Variants in RP1 observed in about 807,000 individuals in gnomAD.
RP1 encodes the protein oxygen-regulated protein 1.
RP1 carries 16 observed loss-of-function variants against 14.8 expected under a neutral mutation model. That is an observed-to-expected ratio of 1.08 (90% CI 0.73 to 1.65). The LOEUF (loss-of-function observed/expected upper bound fraction) is 1.65. RP1 is among the 40% of genes most tolerant of loss of function. The pLI is 0.00. For missense variants in RP1, 2,631 were observed against 2,535.0 expected, an observed-to-expected ratio of 1.04 and a Z score of -0.81; for synonymous variants, 876 against 883.6, an observed-to-expected ratio of 0.99 and a Z score of 0.15.
At chr8:54,786,147 T>C (rs1365300970) in intron 24 of RP1, among the ~76,000 whole-genome samples, 2 of 152,122 alleles carry the variant, frequency 1.3e-5, no homozygotes, top group African/African-American at 4.8e-5. Flanking sequence ...CAAATCGGAC[T>C]GAAGAGTTCC....
intron 15 of RP1, among the ~76,000 whole-genome samples, chr8:54,709,457 C>A (rs17319102): frequency 0.3 from 45,520 of 152,036 alleles, 8,332 homozygotes; most frequent in Middle Eastern, 0.48. Flanking sequence ...CTGAGGCAGG[C>A]AATCATGCAC....
At chr8:54,744,249 A>C (rs1809169154) in intron 19 of RP1, among the ~76,000 whole-genome samples, 1 of 152,172 alleles carries the variant, frequency 6.6e-6, no homozygotes, top group Admixed American at 6.5e-5. Context: ...ACAAGATTGC[A>C]TGTGGAGGAA....
At chr8:54,578,233 G>A (rs921767578) in intron 1 of RP1, among the ~76,000 whole-genome samples, 7 of 152,184 alleles carry the variant, frequency 4.6e-5, no homozygotes, top group African/African-American at 9.6e-5. Context: ...TAGGGACAGC[G>A]TCTCATTCTG....
chr8:54,771,615 T>A (rs1008134653), downstream of RP1, among the ~76,000 whole-genome samples: 2 of 152,078 alleles, frequency 1.3e-5, no homozygotes, highest in African/African-American at 4.8e-5. Flanking sequence ...GTATATTTTT[T>A]ATAGTTCAAA....
intron 28 of RP1, among the ~76,000 whole-genome samples, chr8:54,866,133 A>T (rs1162653137): frequency 6.6e-6 from 1 of 152,126 alleles, no homozygotes; most frequent in Non-Finnish European, 1.5e-5. Context: ...TTCTGAAAAA[A>T]GTATGGTGAA....
At chr8:54,561,230 A>T (rs1469153638) in intron 1 of RP1, among the ~76,000 whole-genome samples, 1 of 152,208 alleles carries the variant, frequency 6.6e-6, no homozygotes, top group Non-Finnish European at 1.5e-5. Flanking sequence ...TCTTTACTTC[A>T]TTTGGTAAAT....
chr8:54,761,661 A>T (rs1563368856), intron 22 of RP1, among the ~76,000 whole-genome samples: 1 of 152,196 alleles, frequency 6.6e-6, no homozygotes, highest in Non-Finnish European at 1.5e-5. Context: ...TAGTTTCAAA[A>T]TATATTGAAC....
At chr8:54,750,942 C>T (rs1437772844) in intron 19 of RP1, among the ~76,000 whole-genome samples, 4 of 152,182 alleles carry the variant, frequency 2.6e-5, no homozygotes, top group African/African-American at 4.8e-5. Context: ...AAGCTGGCCA[C>T]GCCAGCCAGC....
At chr8:54,850,451 T>C (rs1308766202) in intron 25 of RP1, among the ~76,000 whole-genome samples, 1 of 152,234 alleles carries the variant, frequency 6.6e-6, no homozygotes, top group Non-Finnish European at 1.5e-5. Flanking sequence ...TCAGATAATT[T>C]ATCAGCCTTG....
chr8:54,851,345 T>C (rs746793933), intron 25 of RP1, among the ~76,000 whole-genome samples: 24 of 152,208 alleles, frequency 1.6e-4, no homozygotes, highest in Non-Finnish European at 2.8e-4. Flanking sequence ...TTATATCTGT[T>C]TTAATATTTT....
At chr8:54,656,070 A>G in intron 5 of RP1, 1 of 1,496,480 alleles carries the variant, frequency 6.7e-7, no homozygotes, top group Non-Finnish European at 8.9e-7. Flanking sequence ...AAGTAATATT[A>G]TTGTTATTAT....
intron 15 of RP1, among the ~76,000 whole-genome samples, chr8:54,713,967 C>T (rs755253287): frequency 2.0e-5 from 3 of 152,162 alleles, no homozygotes; most frequent in African/African-American, 7.2e-5. Context: ...GAAATTTGAC[C>T]TAACAGATTC....
At chr8:54,752,370 G>A (rs954419330) in intron 19 of RP1, among the ~76,000 whole-genome samples, 6 of 152,132 alleles carry the variant, frequency 3.9e-5, no homozygotes, top group African/African-American at 1.4e-4. Flanking sequence ...GTTAAACCAA[G>A]GAATAAATGT....
chr8:54,802,464 A>G (rs1219760278), intron 24 of RP1, among the ~76,000 whole-genome samples: 1 of 152,344 alleles, frequency 6.6e-6, no homozygotes, highest in South Asian at 2.1e-4. Flanking sequence ...ATACCTTCAA[A>G]TTTCAATTTG....
intron 23 of RP1, chr8:54,780,900 G>T: frequency 1.0e-6 from 1 of 984,776 alleles, no homozygotes; most frequent in Non-Finnish European, 1.2e-6. Context: ...GGTTGCATGA[G>T]AATGGAAATG....
At chr8:54,636,978 T>G (rs58198346) in intron 3 of RP1, among the ~76,000 whole-genome samples, 6 of 152,184 alleles carry the variant, frequency 3.9e-5, no homozygotes, top group African/African-American at 1.4e-4. Context: ...CTTTGCTTAC[T>G]TTCTCCCTGT....
intron 1 of RP1, among the ~76,000 whole-genome samples, chr8:54,564,366 A>T (rs910475570): frequency 5.3e-5 from 8 of 152,238 alleles, no homozygotes; most frequent in Non-Finnish European, 1.0e-4. Context: ...ACCTAGATCC[A>T]GCACTTCACA....
At chr8:54,591,008 C>G (rs915845660) in intron 1 of RP1, among the ~76,000 whole-genome samples, 1 of 152,192 alleles carries the variant, frequency 6.6e-6, no homozygotes, top group African/African-American at 2.4e-5. Context: ...TAGTAAGTCT[C>G]AACAGTTCCA....
downstream of RP1, among the ~76,000 whole-genome samples, chr8:54,633,127 C>G (rs980355420): frequency 6.6e-6 from 1 of 152,090 alleles, no homozygotes; most frequent in Non-Finnish European, 1.5e-5. Flanking sequence ...AGCTGAATGC[C>G]CAACTGTGCA....
Sources: allele counts gnomAD v4.1 joint callset (sites outside exome capture counted in the v4.1 genomes callset), GRCh38; gene constraint gnomAD v4.1.1; transcripts MANE v1.5; gene names NCBI Gene and HGNC (gene_info 2026-07-23, HGNC 2026-07-21).